Variants in CTNS observed in about 807,000 individuals in gnomAD.
CTNS encodes the protein cystinosin.
CTNS carries 27 observed loss-of-function variants against 43.7 expected under a neutral mutation model. The ratio of observed to expected loss-of-function variants is 0.62; its 90% CI spans 0.46 to 0.85. The LOEUF (loss-of-function observed/expected upper bound fraction) is 0.85, where lower values mean the gene tolerates loss of function less well. CTNS is among the 40% of genes least tolerant of loss of function. The pLI is 0.00. For synonymous variants in CTNS, 187 were observed against 190.6 expected (o/e 0.98, Z 0.16); for missense variants, 457 against 475.4 (o/e 0.96, Z 0.36).
At chr17:3,650,977 A>G in intron 5 of CTNS, among the ~76,000 whole-genome samples, 1 of 148,502 alleles carries the variant, frequency 6.7e-6, no homozygotes, top group African/African-American at 2.5e-5. Flanking sequence ...TAATTTTTGT[A>G]TTTTTAGTAG....
chr17:3,660,736 C>G lies in CTNS; in HGVS notation c.*367C>G. ...TCTGCAAGCAGCTTGAAGGGCTGAC[C>G]TTGCAGCCGGGTGAGCCAAGGGCAC... On this transcript the variant is annotated 3_prime_UTR_variant, in exon 12 of 12. Coordinates refer to ENST00000046640, the MANE Select transcript of CTNS (RefSeq NM_004937.3). The G allele has an allele frequency of 6.2e-7, 1 of 1,613,434 alleles. No homozygotes were observed. Among genetic ancestry groups the G allele is most frequent in the Non-Finnish European group, 8.5e-7 (1 of 1,180,028 alleles).
At chr17:3,642,951 T>G (rs923085137) in intron 3 of CTNS, among the ~76,000 whole-genome samples, 16 of 152,182 alleles carry the variant, frequency 1.1e-4, no homozygotes, top group Admixed American at 9.2e-4. Flanking sequence ...CTCACCATTT[T>G]CAAGCTGTGT....
At chr17:3,654,668 G>A (rs934065831) in intron 5 of CTNS, among the ~76,000 whole-genome samples, 30 of 142,834 alleles carry the variant, frequency 2.1e-4, no homozygotes, top group East Asian at 4.0e-4. Context: ...GTGACAGAGC[G>A]AGACTCCGTC....
chr17:3,639,451 C>A (rs1394297566), intron 2 of CTNS, among the ~76,000 whole-genome samples: 2 of 151,882 alleles, frequency 1.3e-5, no homozygotes, highest in African/African-American at 2.4e-5. Context: ...GCGGATCACT[C>A]GAGGTCAGGA....
At chr17:3,642,026 T>C (rs1480084039) in intron 3 of CTNS, among the ~76,000 whole-genome samples, 1 of 144,388 alleles carries the variant, frequency 6.9e-6, no homozygotes, top group African/African-American at 2.7e-5. Flanking sequence ...TGCGCGCGCG[T>C]GTATTTGCCT....
rs766983783 is a variant in CTNS at position 3,655,295 on chromosome 17, T to C, written c.404T>C (p.Phe135Ser). 2 of 1,614,174 alleles carry C rather than the reference T, an allele frequency of 1.2e-6. No homozygotes were observed. Among genetic ancestry groups the C allele is most frequent in the East Asian group, 2.2e-5 (1 of 44,870 alleles). The change falls in exon 7 of 12, where the codon TTT becomes TCT. Residue 135 changes from phenylalanine (F) to serine (S), a missense_variant. By Grantham distance (155) the Phe-to-Ser change is radical. Coordinates refer to ENST00000046640, the MANE Select transcript of CTNS (RefSeq NM_004937.3). Reference protein sequence around the residue: ...IINQVIGWIYFVAWSISFYPQ... With the variant: ...IINQVIGWIYSVAWSISFYPQ... ...AACCAGGTGATTGGCTGGATCTACT[T>C]TGTGGCCTGGTCCATCTCCTTCTAC...
intron 5 of CTNS, chr17:3,650,441 C>A: frequency 8.0e-7 from 1 of 1,249,372 alleles, no homozygotes; most frequent in Non-Finnish European, 1.1e-6. Context: ...ATGACTGTAC[C>A]ACTGCCCTCC....
At chr17:3,654,611 G>A (rs1487528070) in intron 5 of CTNS, among the ~76,000 whole-genome samples, 3 of 150,976 alleles carry the variant, frequency 2.0e-5, no homozygotes, top group East Asian at 1.9e-4. Context: ...AACTCGGGAG[G>A]CAGAGGTTGC....
At chr17:3,657,076 C>G (rs1166090640) in intron 9 of CTNS, among the ~76,000 whole-genome samples, 1 of 151,688 alleles carries the variant, frequency 6.6e-6, no homozygotes, top group Non-Finnish European at 1.5e-5. Flanking sequence ...TGAGCCCTGC[C>G]AGGGAGGAGG....
Position 3,660,457 on chromosome 17 carries a change from C to T in CTNS, c.*88C>T. On this transcript the variant is annotated 3_prime_UTR_variant, in exon 12 of 12. Coordinates refer to ENST00000046640, the MANE Select transcript of CTNS (RefSeq NM_004937.3). ...GCGAAGGCCGGAGAAGCGGTTGGGC[C>T]CTGGCACACAGGGCTGGCTCAGTGT... 2 of 1,613,320 alleles carry T rather than the reference C, an allele frequency of 1.2e-6. No individual in the cohort carries two copies. Among genetic ancestry groups the T allele is most frequent in the Non-Finnish European group, 1.7e-6 (2 of 1,180,020 alleles).
At chr17:3,646,800 T>G (rs1279092306) in intron 3 of CTNS, among the ~76,000 whole-genome samples, 2 of 152,162 alleles carry the variant, frequency 1.3e-5, no homozygotes, top group Non-Finnish European at 2.9e-5. Context: ...GGGGCCTGTT[T>G]GTCAACTTGA....
At chr17:3,639,183 A>G (rs1486010449) in intron 2 of CTNS, among the ~76,000 whole-genome samples, 1 of 152,156 alleles carries the variant, frequency 6.6e-6, no homozygotes, top group Non-Finnish European at 1.5e-5. Context: ...CTGAGGCAGC[A>G]CGGAGACCAA....
chr17:3,642,144 T>TGC (rs1381361702), intron 3 of CTNS, among the ~76,000 whole-genome samples: 1 of 32,108 alleles, frequency 3.1e-5, no homozygotes, highest in African/African-American at 4.3e-5. Context: ...TGCCCGGGCG[T>TGC]GTGTGTGTGT....
intron 3 of CTNS, among the ~76,000 whole-genome samples, chr17:3,643,892 T>A (rs224499): frequency 6.6e-6 from 1 of 151,728 alleles, no homozygotes; most frequent in Non-Finnish European, 1.5e-5. Flanking sequence ...ATTAGCTGGG[T>A]GTGGTGGTGC....
chr17:3,660,125 G>A, intron 11 of CTNS, 111 bp from the exon 12 acceptor site: 2 of 1,526,704 alleles, frequency 1.3e-6, no homozygotes, highest in South Asian at 1.1e-5. Flanking sequence ...GGCCTTCGTA[G>A]CTGGAGGCTT....
At chr17:3,657,963 C>T (rs370834608) in intron 9 of CTNS, 42 bp from the exon 10 acceptor site, 21 of 1,601,290 alleles carry the variant, frequency 1.3e-5, no homozygotes, top group Non-Finnish European at 1.8e-5. Flanking sequence ...CCCGGCGTGG[C>T]CTCTGTGTGG....
intron 4 of CTNS, 63 bp from the exon 5 acceptor site, chr17:3,648,784 G>T: frequency 7.5e-7 from 1 of 1,328,460 alleles, no homozygotes. Context: ...GTGAAATCCA[G>T]AGGGTTGGTT....
chr17:3,645,584 G>A (rs1481369412), intron 3 of CTNS, among the ~76,000 whole-genome samples: 1 of 152,118 alleles, frequency 6.6e-6, no homozygotes, highest in Middle Eastern at 3.2e-3. Context: ...TCCGGGCCAG[G>A]TATGGTGGCT....
intron 5 of CTNS, among the ~76,000 whole-genome samples, 178 bp from the exon 6 acceptor site, chr17:3,654,820 A>G (rs2076085461): frequency 6.6e-6 from 1 of 152,148 alleles, no homozygotes; most frequent in Non-Finnish European, 1.5e-5. Context: ...CATGGCGAAC[A>G]GGAGGTTCAA....
Sources: gnomAD v4.1 joint callset for allele counts (sites outside exome capture counted in the v4.1 genomes callset) on GRCh38, gnomAD v4.1.1 for gene constraint, MANE v1.5 for transcripts, NCBI Gene and HGNC (gene_info 2026-07-23, HGNC 2026-07-21) for gene names.